Variants in TMC1 observed in about 807,000 individuals in gnomAD.
TMC1 encodes the protein transmembrane channel like 1.
TMC1 carries 84 observed loss-of-function variants against 105.8 expected under a neutral mutation model. The ratio of observed to expected loss-of-function variants is 0.79; its 90% CI spans 0.67 to 0.95. The LOEUF (loss-of-function observed/expected upper bound fraction) is 0.95, where lower values mean the gene tolerates loss of function less well. Among genes scored for constraint, TMC1 ranks in the 40% least tolerant of loss-of-function variants. The pLI, the probability that TMC1 is intolerant of heterozygous loss-of-function variation, is 0.00. For missense variants in TMC1, 817 were observed against 914.1 expected, an observed-to-expected ratio of 0.89 and a Z score of 1.37; for synonymous variants, 315 against 311.5, an observed-to-expected ratio of 1.01 and a Z score of -0.12.
chr9:72,565,777 G>A (rs754455593), intron 1 of TMC1, among the ~76,000 whole-genome samples: 7 of 152,218 alleles, frequency 4.6e-5, no homozygotes, highest in Non-Finnish European at 1.0e-4. Context: ...GAGCGTGTGT[G>A]CAGGGGAATT....
chr9:72,836,086 C>A lies in TMC1; in HGVS notation c.*113C>A, dbSNP rs757829981. ...TGGAACTGCTATTTTCCTGTTCTAC[C>A]CTTGATGGATTTTCAAGGTCATGCT... On this transcript the variant is annotated 3_prime_UTR_variant, in exon 24 of 24. Coordinates refer to ENST00000297784, the MANE Select transcript of TMC1 (RefSeq NM_138691.3). 4.8e-6 allele frequency: 6 copies of A among 1,246,870 alleles called. No individual in the cohort carries two copies. Among genetic ancestry groups the A allele is most frequent in the Admixed American group, 3.4e-5 (2 of 59,248 alleles). The allele number at this position is 1,246,870 out of a possible 1,614,324, so 77.2% of individuals were successfully genotyped here. A position where few individuals can be genotyped will look rare whatever the true frequency, so the allele number is the denominator to read the frequency against.
At chr9:72,649,240 T>G (rs1299986993) in intron 5 of TMC1, among the ~76,000 whole-genome samples, 1 of 152,200 alleles carries the variant, frequency 6.6e-6, no homozygotes, top group Admixed American at 6.5e-5. Flanking sequence ...TTCAGTACTG[T>G]GTGGATAATG....
intron 4 of TMC1, among the ~76,000 whole-genome samples, chr9:72,630,630 C>T (rs17058037): frequency 0.1 from 15,228 of 151,898 alleles, 946 homozygotes; most frequent in African/African-American, 0.16. Context: ...ACAATTCTAG[C>T]TGAAAAAAAG....
intron 8 of TMC1, among the ~76,000 whole-genome samples, chr9:72,704,619 G>A (rs1826702858): frequency 6.6e-6 from 1 of 152,100 alleles, no homozygotes; most frequent in Non-Finnish European, 1.5e-5. Flanking sequence ...TTTCAAGATA[G>A]CAGAATTGGC....
chr9:72,788,563 C>A, intron 14 of TMC1, 80 bp downstream of exon 14: 1 of 1,410,174 alleles, frequency 7.1e-7, no homozygotes, highest in Non-Finnish European at 1.0e-6. Flanking sequence ...TCCAGTAGTG[C>A]AGTATCTTGA....
chr9:72,619,835 T>TAA (rs1170470490), intron 3 of TMC1, among the ~76,000 whole-genome samples: 66 of 144,486 alleles, frequency 4.6e-4, no homozygotes, highest in Non-Finnish European at 7.4e-4. Context: ...ATTAATTAAT[T>TAA]TATTTATTTA....
intron 18 of TMC1, among the ~76,000 whole-genome samples, chr9:72,810,968 T>G (rs759624594): frequency 1.3e-5 from 2 of 152,184 alleles, no homozygotes; most frequent in Non-Finnish European, 2.9e-5. Context: ...TCTATTCACT[T>G]TTATTACAAC....
chr9:72,555,028 G>A (rs559116155), intron 1 of TMC1, among the ~76,000 whole-genome samples: 2 of 151,772 alleles, frequency 1.3e-5, no homozygotes, highest in East Asian at 3.9e-4. Context: ...ACAGGCATGT[G>A]CCACCATGCC....
intron 1 of TMC1, among the ~76,000 whole-genome samples, chr9:72,565,086 A>G (rs2132083277): frequency 6.6e-6 from 1 of 152,358 alleles, no homozygotes; most frequent in South Asian, 2.1e-4. Flanking sequence ...TGATTTACTC[A>G]GTATTGGGCA....
At chr9:72,541,126 CTT>C (rs1458773625) in intron 1 of TMC1, among the ~76,000 whole-genome samples, 1 of 152,146 alleles carries the variant, frequency 6.6e-6, no homozygotes, top group Non-Finnish European at 1.5e-5. Flanking sequence ...GCCCCATAAT[CTT>C]TGATTTCTCT....
chr9:72,812,950 T>G (rs1012546254), intron 18 of TMC1, among the ~76,000 whole-genome samples: 4 of 152,220 alleles, frequency 2.6e-5, no homozygotes, highest in Admixed American at 2.0e-4. Context: ...ATGACTGACT[T>G]AGCACATCAC....
At chr9:72,779,479 A>C (rs1828057500) in intron 13 of TMC1, among the ~76,000 whole-genome samples, 1 of 152,224 alleles carries the variant, frequency 6.6e-6, no homozygotes. Flanking sequence ...GTTGAGATTT[A>C]GTAGGAAGTT....
At chr9:72,666,154 G>A (rs997817675) in intron 5 of TMC1, among the ~76,000 whole-genome samples, 5 of 152,232 alleles carry the variant, frequency 3.3e-5, no homozygotes, top group South Asian at 2.1e-4. Context: ...CGTGGCTTAC[G>A]CCAGTAATCC....
At chr9:72,543,294 A>C (rs1488082794) in intron 1 of TMC1, among the ~76,000 whole-genome samples, 1 of 152,074 alleles carries the variant, frequency 6.6e-6, no homozygotes, top group Non-Finnish European at 1.5e-5. Flanking sequence ...GTTCTTCCTT[A>C]AATTTAGTTC....
intron 11 of TMC1, among the ~76,000 whole-genome samples, chr9:72,753,045 A>G (rs974468003): frequency 1.3e-5 from 2 of 152,132 alleles, no homozygotes; most frequent in South Asian, 4.1e-4. Context: ...ATCTTGGAAT[A>G]TATTTTTTTA....
At chr9:72,746,349 ACT>A (rs559836208) in intron 10 of TMC1, among the ~76,000 whole-genome samples, 11 of 152,154 alleles carry the variant, frequency 7.2e-5, no homozygotes, top group Non-Finnish European at 1.6e-4. Context: ...GACAGCAGAG[ACT>A]CTACCCTCAT....
intron 15 of TMC1, among the ~76,000 whole-genome samples, chr9:72,791,475 A>G (rs1828265703): frequency 6.6e-6 from 1 of 152,208 alleles, no homozygotes; most frequent in Admixed American, 6.5e-5. Flanking sequence ...TATGCTGATG[A>G]TTGTCAGATT....
chr9:72,816,210 G>T lies in TMC1; in HGVS notation c.1763G>T (p.Trp588Leu). The change falls in exon 19 of 24, where the codon TGG becomes TTG. Residue 588 changes from tryptophan (W) to leucine (L), a missense_variant and splice_region_variant. Trp to Leu is a moderately conservative substitution (Grantham distance 61). Coordinates refer to ENST00000297784, the MANE Select transcript of TMC1 (RefSeq NM_138691.3). ...CTGATCTTCAACCAAGGCATGATCTGGTAGGCCAGCTGTTGGACAGCTTAT... is the reference window on the plus strand; with the variant it reads ...CTGATCTTCAACCAAGGCATGATCTTGTAGGCCAGCTGTTGGACAGCTTAT... ...LALIFNQGMIWMGSFFAPSLP... is the reference protein window; with the variant it reads ...LALIFNQGMILMGSFFAPSLP... 6.2e-7 allele frequency: 1 copy of T among 1,613,436 alleles called. No homozygotes were observed. The highest frequency in any genetic ancestry group is 8.5e-7 in the Non-Finnish European group (1 of 1,179,432).
chr9:72,803,298 A>C (rs1828508845), intron 17 of TMC1, among the ~76,000 whole-genome samples: 1 of 152,216 alleles, frequency 6.6e-6, no homozygotes. Flanking sequence ...AATCTAGGCA[A>C]TACCATTTAG....
Sources: allele counts gnomAD v4.1 joint callset (sites outside exome capture counted in the v4.1 genomes callset), GRCh38; gene constraint gnomAD v4.1.1; transcripts MANE v1.5; gene names NCBI Gene and HGNC (gene_info 2026-07-23, HGNC 2026-07-21).